Variants in CFHR4 observed in about 807,000 individuals in gnomAD.
The protein encoded by CFHR4 is complement factor H related 4, also known as complement factor H-related protein 4.
A neutral mutation model predicts 69.3 loss-of-function variants in CFHR4; 64 were observed. The observed-to-expected ratio is 0.92, with a 90% CI of 0.76 to 1.14. The LOEUF is 1.14. Among genes scored for constraint, CFHR4 ranks in the 50% most tolerant of loss-of-function variants. CFHR4 has a pLI of 0.00. For missense variants in CFHR4, 636 were observed against 684.9 expected (o/e 0.93, Z 0.80); for synonymous variants, 244 against 237.0 (o/e 1.03, Z -0.27).
At chr1:196,892,094 G>A (rs943669322) in intron 1 of CFHR4, among the ~76,000 whole-genome samples, 10 of 151,524 alleles carry the variant, frequency 6.6e-5, no homozygotes, top group Non-Finnish European at 1.3e-4. Flanking sequence ...GCATAACTTG[G>A]TATAGTTTTA....
At chr1:196,909,039 A>G (rs887430028) in intron 5 of CFHR4, among the ~76,000 whole-genome samples, 1 of 151,556 alleles carries the variant, frequency 6.6e-6, no homozygotes, top group African/African-American at 2.4e-5. Flanking sequence ...ACTGCAGAGG[A>G]AAATTCGTAT....
rs762023676 is a variant in CFHR4 at position 196,905,165 on chromosome 1, C to G, written c.314C>G (p.Ser105Cys). ...IENGFISESS[S>C]IYILNEETQY... Reference sequence around the variant, plus strand: ...AATGGATTCATTTCTGAATCTTCCTCTATTTATATTTTAAATGAAGAAACA... The same window carrying G: ...AATGGATTCATTTCTGAATCTTCCTGTATTTATATTTTAAATGAAGAAACA... Residue 105 changes from serine (S) to cysteine (C), a missense_variant, in exon 3 of 10, where the codon TCT (serine) becomes TGT (cysteine). Physicochemically the swap from Ser to Cys is moderately radical, Grantham distance 112 (BLOSUM62 -1). Transcript: ENST00000608469. 19 of 1,608,110 alleles carry G rather than the reference C, an allele frequency of 1.2e-5. 1 individual carries two copies. In the African/African-American group the frequency reaches 2.6e-4, roughly 22 times the overall value.
chr1:196,914,455 A>T (rs2124973924), intron 7 of CFHR4, 40 bp from the exon 8 acceptor site: 2 of 1,583,592 alleles, frequency 1.3e-6, no homozygotes, highest in East Asian at 4.5e-5. Flanking sequence ...TGTGCATCGT[A>T]TGGCATAGAA....
At chr1:196,911,708 C>A (rs1394748070) in intron 6 of CFHR4, among the ~76,000 whole-genome samples, 2 of 151,530 alleles carry the variant, frequency 1.3e-5, no homozygotes, top group Non-Finnish European at 2.9e-5. Context: ...CTGTCCTCAA[C>A]AATAGGCCTA....
chr1:196,916,927 T>C (rs1011271070), intron 9 of CFHR4, among the ~76,000 whole-genome samples: 1 of 151,636 alleles, frequency 6.6e-6, no homozygotes, highest in South Asian at 2.1e-4. Flanking sequence ...AGATTACATA[T>C]ACATATGGCA....
At chr1:196,891,947 A>G (rs1206372444) in intron 1 of CFHR4, among the ~76,000 whole-genome samples, 2 of 151,546 alleles carry the variant, frequency 1.3e-5, no homozygotes, top group Non-Finnish European at 2.9e-5. Context: ...AAAATGCCAC[A>G]AAACTCAACA....
At chr1:196,903,597 G>A (rs781133143) in intron 2 of CFHR4, among the ~76,000 whole-genome samples, 4 of 151,006 alleles carry the variant, frequency 2.6e-5, no homozygotes, top group Non-Finnish European at 5.9e-5. Context: ...AGGTTGCAGT[G>A]AGCTGAGATT....
chr1:196,890,950 TGTC>T (rs1306197474), intron 1 of CFHR4, among the ~76,000 whole-genome samples: 1 of 151,396 alleles, frequency 6.6e-6, no homozygotes, highest in Non-Finnish European at 1.5e-5. Context: ...GGTTCGAAAA[TGTC>T]GTTTATTAAG....
rs116119247 is a variant in CFHR4 at position 196,907,398 on chromosome 1, G to C, written c.699G>C (p.Trp233Cys). 1,728 of 1,611,958 alleles carry C rather than the reference G, an allele frequency of 1.1e-3. 79 individuals are homozygous for C. The African/African-American group carries it at 0.021, about 20-fold the overall frequency. The stretch of plus-strand genomic sequence containing the variant: ...TCCCGCAAAAAGTGTATCTGCCATG[G>C]TCAAGAGTCGAGTACCAGTGCCAGT... The part of the protein sequence containing the change: ...TSFPQKVYLP[W>C]SRVEYQCQSY... Residue 233 changes from tryptophan (W) to cysteine (C), a missense_variant, in exon 5 of 10, where the codon TGG (tryptophan) becomes TGC (cysteine). Physicochemically the swap from Trp to Cys is radical, Grantham distance 215. This residue lies in a region of CFHR4 where 529 missense variants were observed against 533.2 expected (regional missense o/e 0.99). Coordinates refer to ENST00000608469, the MANE Select transcript of CFHR4 (RefSeq NM_001201550.3).
intron 1 of CFHR4, among the ~76,000 whole-genome samples, chr1:196,899,236 T>C (rs1233758716): frequency 1.3e-5 from 2 of 151,480 alleles, no homozygotes; most frequent in Non-Finnish European, 2.9e-5. Flanking sequence ...TTTTTCTATC[T>C]TGCAGTGCAT....
chr1:196,910,560 C>G, intron 6 of CFHR4, 82 bp downstream of exon 6: 1 of 1,169,442 alleles, frequency 8.6e-7, no homozygotes, highest in Non-Finnish European at 1.2e-6. Context: ...ATTACATTGT[C>G]TTATATGACA....
rs769859288 is a variant in CFHR4, at chr1:196,907,440, G to C, written c.741G>C (p.Gln247His). ...EYQCQSYYEL[Q>H]GSKYVTCSNG... ...AGTGCCAGTCCTACTATGAACTTCA[G>C]GGTTCTAAATATGTAACATGTAGTA... is the stretch of plus-strand genomic sequence containing the variant. The change falls in exon 5 of 10, where the codon CAG (glutamine) becomes CAC (histidine). Residue 247 changes from glutamine to histidine, a missense_variant. Around this residue, in one of 3 missense-constraint regions of CFHR4, gnomAD observed 529 missense variants for 533.2 expected, o/e 0.99. Transcript: ENST00000608469. 1.2e-6 allele frequency: 2 copies of C among 1,612,022 alleles called. No homozygotes were observed. The highest frequency in any genetic ancestry group is 4.5e-5 in the East Asian group (2 of 44,788).
rs532992398 is a variant in CFHR4 at position 196,916,050 on chromosome 1, A to G, written c.1540+912A>G. Among the ~76,000 whole-genome samples the G allele has an allele frequency of 7.3e-5, 11 of 151,686 alleles. 1 individual carries two copies. In the East Asian group the frequency reaches 1.9e-3, roughly 27 times the overall value. ...AATTAACGAAACTTCAGCCATTTCCACAACCCATTGCTTTTCCATTTTTAC... is the reference window on the plus strand; with the variant it reads ...AATTAACGAAACTTCAGCCATTTCCGCAACCCATTGCTTTTCCATTTTTAC... On this transcript the variant is annotated intron_variant, in intron 9 of 9. Coordinates refer to ENST00000608469, the MANE Select transcript of CFHR4 (RefSeq NM_001201550.3).
rs906748094 is a variant in CFHR4, at chr1:196,898,084, A to G, written c.59-4334A>G. ...TCTAGCAAGAATGTACTTTATTTTA[A>G]TGGGTAGTGATTTCTACATAGTCCA... On this transcript the variant is annotated intron_variant, in intron 1 of 9. Transcript: ENST00000608469. Among the ~76,000 whole-genome samples the G allele has an allele frequency of 4.0e-5, 6 of 151,400 alleles. No homozygotes were observed. The South Asian group carries it at 8.3e-4, about 21-fold the overall frequency.
chr1:196,910,389 G>T lies in CFHR4; in HGVS notation c.908G>T (p.Cys303Phe). The change falls in exon 6 of 10, where the codon TGT becomes TTT. Residue 303 changes from cysteine to phenylalanine, a missense_variant. Cys to Phe is a radical substitution (Grantham distance 205). This residue lies in a region of CFHR4 where 529 missense variants were observed against 533.2 expected (regional missense o/e 0.99). Transcript: ENST00000608469. ...ACAGGACAATCTTACTCCTATTACT[G>T]TGACCAAAATTTTGTGACTCCTTCA... Reference protein sequence around the residue: ...VATGQSYSYYCDQNFVTPSGS... With the variant: ...VATGQSYSYYFDQNFVTPSGS... The T allele has an allele frequency of 6.2e-7, 1 of 1,612,482 alleles. No individual in the cohort carries two copies.
At chr1:196,891,589 C>G (rs1228522161) in intron 1 of CFHR4, among the ~76,000 whole-genome samples, 2 of 151,514 alleles carry the variant, frequency 1.3e-5, no homozygotes, top group Non-Finnish European at 2.9e-5. Flanking sequence ...CCTTCCAGTT[C>G]TCTCTGATTT....
chr1:196,916,732 C>A (rs773424333), intron 9 of CFHR4, among the ~76,000 whole-genome samples: 6 of 151,500 alleles, frequency 4.0e-5, no homozygotes, highest in Non-Finnish European at 7.4e-5. Context: ...GAGATGGACA[C>A]TCCTAAGATG....
intron 1 of CFHR4, among the ~76,000 whole-genome samples, chr1:196,899,281 A>G (rs1657469503): frequency 1.3e-5 from 2 of 151,354 alleles, no homozygotes; most frequent in African/African-American, 2.4e-5. Context: ...TGGATAGTCC[A>G]TGACAGAAAA....
At position 196,905,272 on chromosome 1, in the gene CFHR4, A is replaced by G. The variant is rs774966634; in HGVS notation, c.421A>G (p.Thr141Ala). 9 of 1,611,370 alleles carry G rather than the reference A, an allele frequency of 5.6e-6. No homozygotes were observed. The African/African-American group carries it at 8.1e-5, about 14-fold the overall frequency. ...TACATGTTTGCAAAATGGATGGTCA[A>G]CACAACCAATTTGCATTAGTAAGTT... ...SITCLQNGWS[T>A]QPICIKFCDM... is the part of the protein sequence containing the mutation. Residue 141 changes from threonine to alanine, a missense_variant, in exon 3 of 10, where the codon ACA becomes GCA. This residue lies in a region of CFHR4 where 529 missense variants were observed against 533.2 expected (regional missense o/e 0.99). Transcript: ENST00000608469.
Sources: allele counts gnomAD v4.1 joint callset (sites outside exome capture counted in the v4.1 genomes callset), GRCh38; gene constraint gnomAD v4.1.1; regional missense constraint gnomAD v4.1.1; transcripts MANE v1.5; gene names NCBI Gene and HGNC (gene_info 2026-07-23, HGNC 2026-07-21).